Variants in MARCHF11 observed in about 807,000 individuals in gnomAD.
The protein encoded by MARCHF11 is E3 ubiquitin-protein ligase MARCHF11.
MARCHF11 carries 29 observed loss-of-function variants against 37.3 expected under a neutral mutation model. The ratio of observed to expected loss-of-function variants is 0.78; its 90% CI spans 0.58 to 1.06. MARCHF11 has a LOEUF of 1.06. MARCHF11 is among the 50% of genes least tolerant of loss of function. The pLI is 0.00. For synonymous variants in MARCHF11, 233 were observed against 228.0 expected (o/e 1.02, Z -0.20); for missense variants, 482 against 533.4 (o/e 0.90, Z 0.95).
chr5:16,131,558 G>A (rs912839794), intron 2 of MARCHF11, among the ~76,000 whole-genome samples: 1 of 152,152 alleles, frequency 6.6e-6, no homozygotes. Flanking sequence ...GGGTGGGAGT[G>A]GTGAAGAAAA....
intron 2 of MARCHF11, among the ~76,000 whole-genome samples, chr5:16,145,741 G>GAA (rs80318508): frequency 3.8e-4 from 57 of 150,480 alleles, no homozygotes; most frequent in African/African-American, 9.0e-4. Context: ...AAGATTTTAT[G>GAA]AAAAAAAAAT....
intron 2 of MARCHF11, among the ~76,000 whole-genome samples, chr5:16,134,825 G>A (rs952129427): frequency 1.8e-4 from 27 of 152,158 alleles, no homozygotes; most frequent in Admixed American, 1.6e-3. Flanking sequence ...ACATGAGAAA[G>A]CATAATACAA....
At chr5:16,127,045 G>C (rs1486067554) in intron 2 of MARCHF11, among the ~76,000 whole-genome samples, 2 of 152,122 alleles carry the variant, frequency 1.3e-5, no homozygotes, top group East Asian at 3.9e-4. Context: ...AATGAGTTAT[G>C]GTGATAAAGT....
chr5:16,093,338 T>C lies in MARCHF11; in HGVS notation c.694-2257A>G, dbSNP rs987993400. ...TAAATTTGAATAGCTCAAAACTGCA[T>C]AATGAATTATATTTGGCTTCAATTA... On this transcript the variant is annotated intron_variant, in intron 2 of 3. Coordinates refer to ENST00000332432, the MANE Select transcript of MARCHF11 (RefSeq NM_001102562.3). Among the ~76,000 whole-genome samples, 3 of 152,198 alleles carry C rather than the reference T, an allele frequency of 2.0e-5. No individual in the cohort carries two copies. The East Asian group carries it at 5.8e-4, about 29-fold the overall frequency.
At chr5:16,134,075 G>A (rs1737566508) in intron 2 of MARCHF11, among the ~76,000 whole-genome samples, 1 of 152,138 alleles carries the variant, frequency 6.6e-6, no homozygotes. Flanking sequence ...TTAAAGCAAT[G>A]GAGTGTCATT....
In MARCHF11 at chr5:16,077,606, C is replaced by T. The variant is rs564746818; in HGVS notation, c.887-9813G>A. On this transcript the variant is annotated intron_variant, in intron 3 of 3. Coordinates refer to ENST00000332432, the MANE Select transcript of MARCHF11 (RefSeq NM_001102562.3). ...ATCTAAGTATAATTAAAATTTGTAA[C>T]TCTTCTATTTCACTGCATGACATCA... Among the ~76,000 whole-genome samples the T allele has an allele frequency of 4.7e-4, 72 of 152,228 alleles. 1 individual carries two copies. The highest frequency in any genetic ancestry group is 1.6e-3 in the African/African-American group (67 of 41,548).
At chr5:16,095,398 T>C (rs1736849943) in intron 2 of MARCHF11, among the ~76,000 whole-genome samples, 1 of 141,638 alleles carries the variant, frequency 7.1e-6, no homozygotes, top group Non-Finnish European at 1.5e-5. Context: ...CCTCAGTGTC[T>C]GGAAGAAGGA....
rs891633720 is a variant in MARCHF11 at position 16,150,557 on chromosome 5, T to C, written c.693+27169A>G. Among the ~76,000 whole-genome samples, 7 of 149,402 alleles carry C rather than the reference T, an allele frequency of 4.7e-5. 1 individual carries two copies. Among genetic ancestry groups the C allele is most frequent in the South Asian group, 4.1e-4 (2 of 4,836 alleles). On this transcript the variant is annotated intron_variant, in intron 2 of 3. Transcript: ENST00000332432. Reference sequence around the variant, plus strand: ...TGTTAGTGAGTTGGAGGTGGCCTTTTGTAACAGTGTAATGGTCAGGTCTGC... The same window carrying C: ...TGTTAGTGAGTTGGAGGTGGCCTTTCGTAACAGTGTAATGGTCAGGTCTGC...
At chr5:16,176,470 T>C (rs1279515070) in intron 2 of MARCHF11, among the ~76,000 whole-genome samples, 1 of 152,210 alleles carries the variant, frequency 6.6e-6, no homozygotes, top group Admixed American at 6.5e-5. Flanking sequence ...GGAAAAGGTG[T>C]CAGGTTTGTG....
chr5:16,092,658 G>T (rs1736806464), intron 2 of MARCHF11, among the ~76,000 whole-genome samples: 1 of 152,006 alleles, frequency 6.6e-6, no homozygotes, highest in Admixed American at 6.6e-5. Flanking sequence ...CTGGATAACG[G>T]GTTGATGGGT....
chr5:16,106,104 G>A (rs1737035472), intron 2 of MARCHF11, among the ~76,000 whole-genome samples: 1 of 152,130 alleles, frequency 6.6e-6, no homozygotes, highest in Non-Finnish European at 1.5e-5. Context: ...AAACAATTTA[G>A]AATGGCTTCC....
Position 16,067,545 on chromosome 5 carries a change from G to A in MARCHF11, c.1135C>T (p.Arg379Trp), listed in dbSNP as rs537978378. Reference protein sequence around the residue: ...CGYVLLHLFNRMRPHEDLSED... With the variant: ...CGYVLLHLFNWMRPHEDLSED... ...GATAAGTCTTCATGGGGCCTCATCC[G>A]ATTGAACAGGTGCAATAACACATAG... Residue 379 changes from arginine to tryptophan, a missense_variant, in exon 4 of 4, where the codon CGG (arginine) becomes TGG (tryptophan). Arg to Trp is a moderately radical substitution (Grantham distance 101). Coordinates refer to ENST00000332432, the MANE Select transcript of MARCHF11 (RefSeq NM_001102562.3). 23 of 1,613,890 alleles carry A rather than the reference G, an allele frequency of 1.4e-5. No homozygotes were observed. Among genetic ancestry groups the A allele is most frequent in the African/African-American group, 5.3e-5 (4 of 74,998 alleles).
At chr5:16,160,755 A>G (rs1167867254) in intron 2 of MARCHF11, among the ~76,000 whole-genome samples, 1 of 151,972 alleles carries the variant, frequency 6.6e-6, no homozygotes, top group African/African-American at 2.4e-5. Flanking sequence ...AAATTAGGTG[A>G]GCAATAACAA....
intron 2 of MARCHF11, among the ~76,000 whole-genome samples, chr5:16,138,750 T>A (rs1486789758): frequency 6.6e-6 from 1 of 152,208 alleles, no homozygotes; most frequent in Non-Finnish European, 1.5e-5. Context: ...ACCTCTTGCA[T>A]CAGCATAACC....
At chr5:16,130,110 C>T (rs1023629101) in intron 2 of MARCHF11, among the ~76,000 whole-genome samples, 5 of 152,012 alleles carry the variant, frequency 3.3e-5, no homozygotes, top group East Asian at 3.8e-4. Flanking sequence ...TGTCTAACTT[C>T]GTTGGGTAAA....
intron 2 of MARCHF11, among the ~76,000 whole-genome samples, chr5:16,172,808 A>G (rs1738292495): frequency 6.6e-6 from 1 of 152,146 alleles, no homozygotes; most frequent in Non-Finnish European, 1.5e-5. Context: ...AAGTTAATTA[A>G]AGTTCTATGT....
At chr5:16,141,460 C>A (rs1737706092) in intron 2 of MARCHF11, 1 of 152,158 alleles carries the variant, frequency 6.6e-6, no homozygotes, top group Admixed American at 6.5e-5. Flanking sequence ...GGCCCTTTCC[C>A]AAGAAGCGCA....
intron 2 of MARCHF11, among the ~76,000 whole-genome samples, chr5:16,119,504 G>A (rs560682635): frequency 4.6e-5 from 7 of 152,120 alleles, no homozygotes; most frequent in Admixed American, 3.3e-4. Context: ...ACCTCATCTG[G>A]TACCTCCAGA....
At chr5:16,083,150 T>C (rs962362522) in intron 3 of MARCHF11, among the ~76,000 whole-genome samples, 1 of 152,188 alleles carries the variant, frequency 6.6e-6, no homozygotes, top group Admixed American at 6.5e-5. Flanking sequence ...TGTACAGCTC[T>C]GAGATGCACG....
Sources: gnomAD v4.1 joint callset for allele counts (sites outside exome capture counted in the v4.1 genomes callset) on GRCh38, gnomAD v4.1.1 for gene constraint, MANE v1.5 for transcripts, NCBI Gene and HGNC (gene_info 2026-07-23, HGNC 2026-07-21) for gene names.